The following FANCB variants were observed in gnomAD, a reference collection of about 807,000 sequenced individuals.
FANCB encodes Fanconi anemia group B protein.
In FANCB, 5 loss-of-function variants were observed where a neutral mutation model predicts 38.9. The observed-to-expected ratio is 0.13, with a 90% CI of 0.07 to 0.27. The LOEUF (loss-of-function observed/expected upper bound fraction) is 0.27. Among genes scored for constraint, FANCB ranks in the 10% least tolerant of loss-of-function variants. The pLI, the probability that FANCB is intolerant of heterozygous loss-of-function variation, is 1.00. For synonymous variants in FANCB, 236 were observed against 215.4 expected, an observed-to-expected ratio of 1.10 and a Z score of -0.84; for missense variants, 573 against 602.7, an observed-to-expected ratio of 0.95 and a Z score of 0.52.
the FANCB span, among the ~76,000 whole-genome samples, chrX:14,817,172 A>G: frequency 9.0e-6 from 1 of 111,405 alleles, no homozygotes; most frequent in African/African-American, 3.3e-5. Flanking sequence ...AAACTCGGCC[A>G]TTTGGAAAGA....
At chrX:14,832,032 C>T (rs1006574805), downstream of FANCB, among the ~76,000 whole-genome samples, 1 of 111,898 alleles carries the variant, frequency 8.9e-6, no homozygotes, top group Non-Finnish European at 1.9e-5. Flanking sequence ...ATGACCTACC[C>T]TCCTTCTTCC....
chrX:14,759,652 T>C, the FANCB span, among the ~76,000 whole-genome samples: 2 of 111,098 alleles, frequency 1.8e-5, no homozygotes, highest in African/African-American at 6.6e-5. Flanking sequence ...GATACAGTCT[T>C]TAATGCTGAA....
chrX:14,762,020 G>T, the FANCB span, among the ~76,000 whole-genome samples: 1 of 111,470 alleles, frequency 9.0e-6, no homozygotes, highest in Non-Finnish European at 1.9e-5. Flanking sequence ...ATAAAGAACA[G>T]AAATTTATTT....
chrX:14,745,785 C>T, the FANCB span, among the ~76,000 whole-genome samples: 1 of 102,459 alleles, frequency 9.8e-6, no homozygotes, highest in African/African-American at 3.6e-5. Context: ...CTGCAAGCTC[C>T]GCCTCCCGGG....
chrX:14,830,590 T>C, the FANCB span, among the ~76,000 whole-genome samples: 273 of 111,736 alleles, frequency 2.4e-3, 1 homozygote, highest in African/African-American at 8.1e-3. Flanking sequence ...CATCCTTACC[T>C]TTGCAAATTT....
chrX:14,693,907 AT>A, the FANCB span, among the ~76,000 whole-genome samples: 1 of 112,219 alleles, frequency 8.9e-6, no homozygotes, highest in Non-Finnish European at 1.9e-5. Context: ...ATATCAAAAT[AT>A]ATGAACTGAG....
chrX:14,729,411 A>G, the FANCB span, among the ~76,000 whole-genome samples: 2 of 111,242 alleles, frequency 1.8e-5, no homozygotes, highest in African/African-American at 3.3e-5. Context: ...CCCAGATCCC[A>G]TACATTTTTC....
the FANCB span, among the ~76,000 whole-genome samples, chrX:14,709,140 T>C: frequency 9.0e-6 from 1 of 111,076 alleles, no homozygotes; most frequent in African/African-American, 3.3e-5. Context: ...GTGGCTGAGA[T>C]GGGAGGATCA....
At chrX:14,706,274 C>G in the FANCB span, among the ~76,000 whole-genome samples, 1 of 111,708 alleles carries the variant, frequency 9.0e-6, no homozygotes, top group Non-Finnish European at 1.9e-5. Context: ...TCAAAAATAA[C>G]AGGATTCTCA....
the FANCB span, among the ~76,000 whole-genome samples, chrX:14,724,933 A>T: frequency 9.0e-6 from 1 of 111,408 alleles, no homozygotes; most frequent in Non-Finnish European, 1.9e-5. Flanking sequence ...CTTGAATGGA[A>T]GCCATTTGGG....
the FANCB span, among the ~76,000 whole-genome samples, chrX:14,822,747 C>T: frequency 9.0e-6 from 1 of 111,316 alleles, no homozygotes; most frequent in Non-Finnish European, 1.9e-5. Context: ...CCTGAAGCCA[C>T]GTATGTGGTT....
the FANCB span, among the ~76,000 whole-genome samples, chrX:14,702,826 G>T: frequency 9.0e-6 from 1 of 111,499 alleles, no homozygotes; most frequent in Middle Eastern, 4.6e-3. Flanking sequence ...CTTGGACAGG[G>T]TTGCGTGAAA....
At position 14,845,110 on chromosome X, in the gene FANCB, C is replaced by T. The variant is rs1213296037; in HGVS notation, c.1673G>A (p.Ser558Asn). The T allele has an allele frequency of 8.3e-7, 1 of 1,209,640 alleles. No individual in the cohort carries two copies. Among genetic ancestry groups the T allele is most frequent in the Non-Finnish European group, 1.1e-6 (1 of 894,674 alleles). The change falls in exon 8 of 10, where the codon AGC becomes AAC. Residue 558 changes from serine (S) to asparagine (N), a missense_variant. Ser to Asn is a conservative substitution (Grantham distance 46, BLOSUM62 1). Coordinates refer to ENST00000650831, the MANE Select transcript of FANCB (RefSeq NM_001018113.3). ...ACAAACAAAGCTTTCCTCTTTCTTG[C>T]TATCAGGGGTCAACGTGACCCTTTT... Reference protein sequence around the residue: ...EAKRVTLTPDSKKEESFVCEH... With the variant: ...EAKRVTLTPDNKKEESFVCEH...
downstream of FANCB, among the ~76,000 whole-genome samples, chrX:14,839,300 AAACAACAAC>A (rs199956382): frequency 1.8e-5 from 2 of 110,160 alleles, no homozygotes; most frequent in African/African-American, 6.7e-5. Flanking sequence ...TCAAAAACAA[AAACAACAAC>A]AACAACAACA....
downstream of FANCB, among the ~76,000 whole-genome samples, chrX:14,838,590 T>C (rs1214380752): frequency 9.1e-6 from 1 of 110,469 alleles, no homozygotes; most frequent in Non-Finnish European, 1.9e-5. Context: ...GGATAATTTG[T>C]AAGATGATTT....
At chrX:14,802,348 A>C in the FANCB span, among the ~76,000 whole-genome samples, 1 of 112,020 alleles carries the variant, frequency 8.9e-6, no homozygotes, top group African/African-American at 3.2e-5. Context: ...ATGTTGGGTC[A>C]CACAGCAGAA....
the FANCB span, among the ~76,000 whole-genome samples, chrX:14,750,211 T>C: frequency 3.6e-5 from 4 of 111,514 alleles, no homozygotes; most frequent in African/African-American, 1.3e-4. Context: ...CAGGGGGAAA[T>C]GGAGGGATGA....
the FANCB span, among the ~76,000 whole-genome samples, chrX:14,810,244 T>C: frequency 1.8e-5 from 2 of 111,841 alleles, no homozygotes; most frequent in Non-Finnish European, 3.8e-5. Context: ...CTGGAAACTC[T>C]AAAAAGCAGA....
At chrX:14,834,970 C>A (rs959586597), downstream of FANCB, 2 of 716,925 alleles carry the variant, frequency 2.8e-6, no homozygotes, top group African/African-American at 2.1e-5. Flanking sequence ...TCCTCCACAG[C>A]TACTAAGTGC....
Sources: gnomAD v4.1 joint callset for allele counts (sites outside exome capture counted in the v4.1 genomes callset) on GRCh38, gnomAD v4.1.1 for gene constraint, MANE v1.5 for transcripts, NCBI Gene and HGNC (gene_info 2026-07-23, HGNC 2026-07-21) for gene names.